MAP4: variants seen among roughly 807,000 people sequenced by gnomAD.
MAP4 encodes microtubule-associated protein 4.
Under a neutral mutation model 170.2 loss-of-function variants are expected in MAP4, and 76 were observed. The observed-to-expected ratio is 0.45, with a 90% CI of 0.37 to 0.54. MAP4 has a LOEUF of 0.54. Among genes scored for constraint, MAP4 ranks in the 20% least tolerant of loss-of-function variants. The pLI is 0.00. For missense variants in MAP4, 2,506 were observed against 2,748.0 expected (o/e 0.91, Z 1.97); for synonymous variants, 909 against 994.5 (o/e 0.91, Z 1.62).
chr3:47,858,620 TTGTGTGTGTGTG>T (rs72034058), intron 17 of MAP4, among the ~76,000 whole-genome samples: 4 of 143,088 alleles, frequency 2.8e-5, no homozygotes, highest in South Asian at 2.2e-4. Flanking sequence ...TGTGTGCGCG[TTGTGTGTGTGTG>T]TGTGTGTGTG....
chr3:48,086,143 T>TAC (rs1398705510), intron 1 of MAP4, among the ~76,000 whole-genome samples: 2 of 151,782 alleles, frequency 1.3e-5, no homozygotes, highest in East Asian at 3.9e-4. Flanking sequence ...TGCACGTATA[T>TAC]ACACACACTC....
chr3:47,952,721 G>A (rs1292152133), intron 3 of MAP4, among the ~76,000 whole-genome samples: 3 of 151,486 alleles, frequency 2.0e-5, no homozygotes, highest in Admixed American at 2.0e-4. Context: ...TCAGGAGTTC[G>A]AGACCAGCCT....
chr3:47,872,384 C>T (rs941550093), intron 12 of MAP4, among the ~76,000 whole-genome samples: 11 of 152,032 alleles, frequency 7.2e-5, no homozygotes, highest in Admixed American at 2.0e-4. Flanking sequence ...AGGGTTTCAC[C>T]GTGTTAGCCA....
At chr3:47,894,488 C>T (rs1464916629) in intron 10 of MAP4, among the ~76,000 whole-genome samples, 1 of 151,804 alleles carries the variant, frequency 6.6e-6, no homozygotes, top group Non-Finnish European at 1.5e-5. Context: ...GAGGCTGAGG[C>T]AGGAGAATGG....
chr3:48,052,841 G>A (rs2100128631), intron 1 of MAP4, among the ~76,000 whole-genome samples: 1 of 152,170 alleles, frequency 6.6e-6, no homozygotes, highest in Non-Finnish European at 1.5e-5. Flanking sequence ...TGAGCTTGCT[G>A]TGCACTACCC....
intron 2 of MAP4, among the ~76,000 whole-genome samples, chr3:47,997,323 T>G (rs1478927471): frequency 2.4e-5 from 1 of 41,764 alleles, no homozygotes; most frequent in African/African-American, 2.1e-4. Flanking sequence ...ATATTTAAAC[T>G]GCTAAAAAAA....
intron 10 of MAP4, chr3:47,892,631 C>T (rs1384060202): frequency 1.4e-5 from 20 of 1,413,128 alleles, no homozygotes; most frequent in Non-Finnish European, 1.7e-5. Context: ...CCCCTCTCTC[C>T]TCAAGCAGTT....
intron 12 of MAP4, among the ~76,000 whole-genome samples, chr3:47,875,220 G>A (rs934945590): frequency 2.6e-5 from 4 of 152,148 alleles, no homozygotes; most frequent in Non-Finnish European, 5.9e-5. Flanking sequence ...ATGATAACAG[G>A]GAAAGACAAA....
chr3:47,937,947 C>A (rs1224752448), intron 3 of MAP4, among the ~76,000 whole-genome samples: 2 of 151,182 alleles, frequency 1.3e-5, no homozygotes, highest in African/African-American at 4.8e-5. Context: ...CAGGCATGAA[C>A]CACTGCACCC....
At chr3:47,865,689 C>T (rs1380372135) in intron 17 of MAP4, among the ~76,000 whole-genome samples, 1 of 152,120 alleles carries the variant, frequency 6.6e-6, no homozygotes, top group Non-Finnish European at 1.5e-5. Flanking sequence ...CGGTTCAGGA[C>T]AGTAAGGAGA....
chr3:47,933,601 C>CTTT lies in MAP4; in HGVS notation c.293-5254_293-5252dup, dbSNP rs1306889632. ...TACTGGCATATGCCATCCTGCCCAG[C>CTTT]TTTTTTTTTTTTTTTTTGAGACAGA... is the stretch of plus-strand genomic sequence containing the variant. On this transcript the variant is annotated intron_variant, in intron 3 of 20. Transcript: ENST00000683076. Among the ~76,000 whole-genome samples the CTTT allele has an allele frequency of 4.8e-4, 62 of 129,608 alleles. 2 individuals are homozygous for CTTT. Among genetic ancestry groups the CTTT allele is most frequent in the African/African-American group, 1.6e-3 (54 of 33,750 alleles). The allele number at this position is 129,608 out of a possible 152,430, so 85.0% of individuals were successfully genotyped here.
intron 1 of MAP4, among the ~76,000 whole-genome samples, chr3:48,078,847 A>G (rs1316727076): frequency 6.6e-6 from 1 of 152,180 alleles, no homozygotes; most frequent in Non-Finnish European, 1.5e-5. Context: ...ACCCAAGTGA[A>G]TTATATGCTG....
At position 47,871,024 on chromosome 3, in the gene MAP4, C is replaced by T; in HGVS notation, c.6083G>A (p.Gly2028Glu). ...GGCCTTGACTCGGCTGGGAACCACC[C>T]CTGCAGCGGGGGCTGTCCCACTGAG... is the stretch of plus-strand genomic sequence containing the variant. ...TTLSGTAPAA[G>E]VVPSRVKATP... is the part of the protein sequence containing the mutation. Residue 2028 changes from glycine (G) to glutamate (E), a missense_variant, in exon 15 of 21, where the codon GGG (glycine) becomes GAG (glutamate). By Grantham distance (98) the Gly-to-Glu change is moderately conservative. This residue lies in a region of MAP4 where 487 missense variants were observed against 511.6 expected (regional missense o/e 0.95). Coordinates refer to ENST00000683076, the MANE Select transcript of MAP4 (RefSeq NM_001385682.1). 1.2e-6 allele frequency: 2 copies of T among 1,614,094 alleles called. No individual in the cohort carries two copies. Among genetic ancestry groups the T allele is most frequent in the Non-Finnish European group, 1.7e-6 (2 of 1,179,954 alleles).
At chr3:47,946,646 C>A (rs2154065384) in intron 3 of MAP4, among the ~76,000 whole-genome samples, 2 of 118,546 alleles carry the variant, frequency 1.7e-5, no homozygotes, top group Admixed American at 9.3e-5. Flanking sequence ...AAAGGTGAAA[C>A]TCCGTCTCAA....
At chr3:47,884,392 A>G (rs1427728927) in intron 10 of MAP4, among the ~76,000 whole-genome samples, 1 of 152,166 alleles carries the variant, frequency 6.6e-6, no homozygotes, top group African/African-American at 2.4e-5. Flanking sequence ...TTGTTTCAAG[A>G]GAATTCATAA....
At chr3:47,897,043 A>G (rs960106606) in intron 10 of MAP4, among the ~76,000 whole-genome samples, 7 of 152,222 alleles carry the variant, frequency 4.6e-5, no homozygotes, top group African/African-American at 1.7e-4. Flanking sequence ...AAAGCCACAA[A>G]GAAGATGCTA....
chr3:47,942,247 C>T (rs181989795), intron 3 of MAP4, among the ~76,000 whole-genome samples: 129 of 152,042 alleles, frequency 8.5e-4, no homozygotes, highest in African/African-American at 2.9e-3. Flanking sequence ...ATCATAAAGA[C>T]GTTAAAATGG....
At chr3:48,067,215 T>A (rs2100138768) in intron 1 of MAP4, among the ~76,000 whole-genome samples, 1 of 152,082 alleles carries the variant, frequency 6.6e-6, no homozygotes, top group African/African-American at 2.4e-5. Flanking sequence ...CTGGAAAGAC[T>A]CTATCCATGC....
chr3:48,051,883 A>G (rs1392187878), intron 1 of MAP4, among the ~76,000 whole-genome samples: 1 of 152,228 alleles, frequency 6.6e-6, no homozygotes, highest in African/African-American at 2.4e-5. Context: ...ATAATATCCT[A>G]CTGCCAATGT....
Sources: gnomAD v4.1 joint callset for allele counts (sites outside exome capture counted in the v4.1 genomes callset) on GRCh38, gnomAD v4.1.1 for gene constraint, gnomAD v4.1.1 regional missense constraint, MANE v1.5 for transcripts, NCBI Gene and HGNC (gene_info 2026-07-23, HGNC 2026-07-21) for gene names.